Variants in MAST1 observed in about 807,000 individuals in gnomAD.
The protein encoded by MAST1 is microtubule-associated serine/threonine-protein kinase 1.
MAST1 carries 40 observed loss-of-function variants against 124.6 expected under a neutral mutation model. The observed-to-expected ratio is 0.32, with a 90% CI of 0.25 to 0.42. The LOEUF (loss-of-function observed/expected upper bound fraction) is 0.42. Ranked by LOEUF, MAST1 falls within the 10% of genes least tolerant of loss-of-function variation. The pLI is 1.00. For synonymous variants in MAST1, 938 were observed against 939.4 expected, an observed-to-expected ratio of 1.00 and a Z score of 0.03; for missense variants, 1,558 against 2,181.9, an observed-to-expected ratio of 0.71 and a Z score of 5.70.
chr19:12,841,009 G>C lies in MAST1; in HGVS notation c.191G>C (p.Ser64Thr). Reference protein sequence around the residue: ...PGHLGSSPLDSPRNFSPNTPA... With the variant: ...PGHLGSSPLDTPRNFSPNTPA... ...CTCATAGGCAGCAGTCCCCTGGACAGCCCCCGAAACTTCTCCCCCAACACC... is the reference window on the plus strand; with the variant it reads ...CTCATAGGCAGCAGTCCCCTGGACACCCCCCGAAACTTCTCCCCCAACACC... The change falls in exon 3 of 26, where the codon AGC (serine) becomes ACC (threonine). Residue 64 changes from serine (S) to threonine (T), a missense_variant. Ser to Thr is a moderately conservative substitution (Grantham distance 58, BLOSUM62 1). Coordinates refer to ENST00000251472, the MANE Select transcript of MAST1 (RefSeq NM_014975.3). This position sits in a 1 kb window ranked among gnomAD's most constrained non-coding sequence, Gnocchi z 4.3. 7.3e-7 allele frequency: 1 copy of C among 1,377,772 alleles called. No individual in the cohort carries two copies. 85.3% of individuals were successfully genotyped at this position (1,377,772 alleles called of 1,614,324 possible). A position where few individuals can be genotyped will look rare whatever the true frequency, so the allele number is the denominator to read the frequency against.
chr19:12,865,757 G>C lies in MAST1; in HGVS notation c.1845G>C (p.Thr615=), dbSNP rs1166713060. 6.2e-7 allele frequency: 1 copy of C among 1,613,784 alleles called. No individual in the cohort carries two copies. The highest frequency in any genetic ancestry group is 1.1e-5 in the South Asian group (1 of 91,070). ...CCGAGGGGGATGAGGCCCTACCTAC[G>C]GAGGCCCAACTCCTCATATCCAGCC... ...LWPEGDEALP[T]EAQLLISSLL... The change falls in exon 16 of 26, where the codon ACG becomes ACC. Residue 615 remains threonine, a synonymous_variant. Transcript: ENST00000251472. The surrounding 1 kb of genome is among the most constrained non-coding windows in gnomAD (Gnocchi z 7.1).
intron 12 of MAST1, 143 bp from the exon 13 acceptor site, chr19:12,864,666 G>A: frequency 9.5e-7 from 1 of 1,052,726 alleles, no homozygotes; most frequent in Non-Finnish European, 1.4e-6. Context: ...TAGAGGACCT[G>A]GAGGGAGGGA....
rs768471906 is a variant in MAST1, at chr19:12,847,622, T to TC, written c.504dup (p.Ser169LeufsTer69). 1 of 1,613,564 alleles carries TC rather than the reference T, an allele frequency of 6.2e-7. No individual in the cohort carries two copies. ...CTTCTCTCCCCGCAGCCCCGGGCGC[T>TC]CCCCCTCCTCCTACGACAACGAGAT... On this transcript the variant is annotated frameshift_variant, in exon 6 of 26. Coordinates refer to ENST00000251472, the MANE Select transcript of MAST1 (RefSeq NM_014975.3). LOFTEE classifies it high-confidence loss of function. The surrounding 1 kb of genome is among the most constrained non-coding windows in gnomAD (Gnocchi z 5.5).
intron 4 of MAST1, among the ~76,000 whole-genome samples, chr19:12,845,154 G>A (rs755585773): frequency 2.8e-4 from 42 of 152,062 alleles, no homozygotes; most frequent in East Asian, 3.9e-4. Flanking sequence ...ATACAAAAAT[G>A]AGCCAGGCGT....
chr19:12,860,963 C>T (rs1438750427), intron 12 of MAST1, among the ~76,000 whole-genome samples: 2 of 152,006 alleles, frequency 1.3e-5, no homozygotes, highest in East Asian at 3.9e-4. Context: ...GCCAGTGACA[C>T]AGAGGAGACC....
intron 7 of MAST1, among the ~76,000 whole-genome samples, chr19:12,851,564 G>C (rs1436330497): frequency 6.6e-6 from 1 of 152,136 alleles, no homozygotes. Flanking sequence ...TTGGCTCACT[G>C]CAACTTCTGC....
chr19:12,865,734 G>A lies in MAST1; in HGVS notation c.1822G>A (p.Glu608Lys), dbSNP rs1970144764. The A allele has an allele frequency of 8.1e-6, 13 of 1,612,540 alleles. No homozygotes were observed. The highest frequency in any genetic ancestry group is 1.0e-5 in the Non-Finnish European group (12 of 1,179,338). ...TTTTGCAGATGACATCCTGTGGCCC[G>A]AGGGGGATGAGGCCCTACCTACGGA... is the stretch of plus-strand genomic sequence containing the variant. ...QVISDDILWP[E>K]GDEALPTEAQ... Residue 608 changes from glutamate (E) to lysine (K), a missense_variant, in exon 16 of 26, where the codon GAG (glutamate) becomes AAG (lysine). Glu to Lys is a moderately conservative substitution (Grantham distance 56, BLOSUM62 1). Coordinates refer to ENST00000251472, the MANE Select transcript of MAST1 (RefSeq NM_014975.3). This position sits in a 1 kb window ranked among gnomAD's most constrained non-coding sequence, Gnocchi z 7.1.
At chr19:12,864,527 A>G (rs1424416169) in intron 12 of MAST1, among the ~76,000 whole-genome samples, 2 of 152,114 alleles carry the variant, frequency 1.3e-5, no homozygotes, top group South Asian at 2.1e-4. Flanking sequence ...TTGTTCCCCA[A>G]CTAAACCTCA....
rs1396811023 is a variant in MAST1 at position 12,843,671 on chromosome 19, G to T, written c.327+64G>T. 7 of 1,449,848 alleles carry T rather than the reference G, an allele frequency of 4.8e-6. No individual in the cohort carries two copies. The highest frequency in any genetic ancestry group is 6.7e-6 in the Non-Finnish European group (7 of 1,042,740). 89.8% of individuals were successfully genotyped at this position (1,449,848 alleles called of 1,614,324 possible). The stretch of plus-strand genomic sequence containing the variant: ...GAATTCAGGGGCCCTCCAGCCTGAA[G>T]ACCCACACCCAGGCCAGCAGTCCAG... On this transcript the variant is annotated intron_variant, in intron 4 of 25. Transcript: ENST00000251472. The surrounding 1 kb of genome is among the most constrained non-coding windows in gnomAD (Gnocchi z 4.9).
chr19:12,858,917 A>G (rs1157118552), intron 12 of MAST1, 178 bp downstream of exon 12: 21 of 637,878 alleles, frequency 3.3e-5, no homozygotes, highest in Non-Finnish European at 5.4e-5. Context: ...TTATTCAGTC[A>G]TCTATTGGTT....
Position 12,857,355 on chromosome 19 carries a change from C to T in MAST1, c.1078-1007C>T, listed in dbSNP as rs535347441. 1.5e-4 allele frequency among the ~76,000 whole-genome samples: 23 copies of T among 152,136 alleles called. No homozygotes were observed. The South Asian group carries it at 3.1e-3, about 21-fold the overall frequency. ...GCCTCAGCCTCCCAGGTGATCCGCC[C>T]GCCTTGGCCTCCCAAAGTGCTGGGG... On this transcript the variant is annotated intron_variant, in intron 10 of 25. Transcript: ENST00000251472.
chr19:12,863,373 G>A (rs956917969), intron 12 of MAST1, among the ~76,000 whole-genome samples: 3 of 151,940 alleles, frequency 2.0e-5, no homozygotes, highest in African/African-American at 7.3e-5. Flanking sequence ...AGATTCCTGG[G>A]CCCCACCCTC....
At chr19:12,839,506 A>T (rs1387090059) in intron 1 of MAST1, among the ~76,000 whole-genome samples, 1 of 152,234 alleles carries the variant, frequency 6.6e-6, no homozygotes, top group Non-Finnish European at 1.5e-5. Context: ...CATCAGGATA[A>T]ACAGATGTAG....
intron 12 of MAST1, 144 bp downstream of exon 12, chr19:12,858,883 TG>T: frequency 2.7e-6 from 2 of 744,878 alleles, no homozygotes; most frequent in Non-Finnish European, 4.6e-6. Context: ...GTCATTGATT[TG>T]TCCATCCATT....
In MAST1 at chr19:12,866,869, G is replaced by A. The variant is rs1970161241; in HGVS notation, c.2139+107G>A. ...GTGCCCAAGGTCTCAGGAGCGGGAA[G>A]TTATTGATGGGGCGGGAGTCTGGAA... On this transcript the variant is annotated intron_variant, in intron 18 of 25. Coordinates refer to ENST00000251472, the MANE Select transcript of MAST1 (RefSeq NM_014975.3). The surrounding 1 kb of genome is among the most constrained non-coding windows in gnomAD (Gnocchi z 5.2). The A allele has an allele frequency of 1.1e-6, 1 of 918,702 alleles. No individual in the cohort carries two copies. Among genetic ancestry groups the A allele is most frequent in the African/African-American group, 1.6e-5 (1 of 60,930 alleles). 56.9% of individuals were successfully genotyped at this position (918,702 alleles called of 1,614,324 possible).
chr19:12,863,825 A>G (rs1970115253), intron 12 of MAST1, among the ~76,000 whole-genome samples: 1 of 152,164 alleles, frequency 6.6e-6, no homozygotes, highest in South Asian at 2.1e-4. Flanking sequence ...GGGCAGAGGC[A>G]GTGGCCAACA....
Position 12,858,601 on chromosome 19 carries a change from T to C in MAST1, c.1228T>C (p.Leu410=). ...CATGAAAAAGATCAACAAGCAGAAC[T>C]TGATCCTCCGCAACCAGATCCAGCA... ...FAMKKINKQN[L]ILRNQIQQAF... is the part of the protein sequence containing the mutation. The change falls in exon 12 of 26, where the codon TTG becomes CTG. Residue 410 remains leucine, a synonymous_variant. Transcript: ENST00000251472. 1.2e-6 allele frequency: 2 copies of C among 1,614,206 alleles called. No individual in the cohort carries two copies. The highest frequency in any genetic ancestry group is 1.7e-6 in the Non-Finnish European group (2 of 1,180,028).
In MAST1 at chr19:12,874,269, C is replaced by T; in HGVS notation, c.4112C>T (p.Pro1371Leu). The change falls in exon 26 of 26, where the codon CCA (proline) becomes CTA (leucine). Residue 1371 changes from proline to leucine, a missense_variant. Pro to Leu is a moderately conservative substitution (Grantham distance 98, BLOSUM62 -3). This residue lies in a region of MAST1 where 263 missense variants were observed against 310.9 expected (regional missense o/e 0.85). Transcript: ENST00000251472. The surrounding 1 kb of genome is among the most constrained non-coding windows in gnomAD (Gnocchi z 6.6). ...CCGGGGGGCGCCGAGGCGTGCACCC[C>T]ACCCCGCGCGACGACCCCCGGTGGC... ...ESPGGAEACT[P>L]PRATTPGGRT... The T allele has an allele frequency of 1.3e-6, 2 of 1,582,812 alleles. No individual in the cohort carries two copies. The highest frequency in any genetic ancestry group is 1.7e-6 in the Non-Finnish European group (2 of 1,169,864).
At chr19:12,868,043 T>C (rs1256902328) in intron 20 of MAST1, 66 bp downstream of exon 20, 3 of 1,467,610 alleles carry the variant, frequency 2.0e-6, no homozygotes, top group African/African-American at 2.9e-5. Context: ...ATAGTGAGCA[T>C]CCCACGAGCC....
Sources: allele counts gnomAD v4.1 joint callset (sites outside exome capture counted in the v4.1 genomes callset), GRCh38; gene constraint gnomAD v4.1.1; regional missense constraint gnomAD v4.1.1; non-coding constraint Gnocchi (gnomAD v3.1); transcripts MANE v1.5; gene names NCBI Gene and HGNC (gene_info 2026-07-23, HGNC 2026-07-21).